CARMIL1: variants seen among roughly 807,000 people sequenced by gnomAD.
CARMIL1 encodes F-actin-uncapping protein LRRC16A.
CARMIL1 carries 90 observed loss-of-function variants against 177.1 expected under a neutral mutation model. That is an observed-to-expected ratio of 0.51 (90% CI 0.43 to 0.61). The LOEUF is 0.61. Ranked by LOEUF, CARMIL1 falls within the 20% of genes least tolerant of loss-of-function variation. The probability of loss-of-function intolerance (pLI) is 0.00; values close to 1 mark genes in which losing one functional copy is unlikely to be tolerated. For synonymous variants in CARMIL1, 577 were observed against 606.2 expected (o/e 0.95, Z 0.71); for missense variants, 1,380 against 1,667.0 (o/e 0.83, Z 3.00).
At chr6:25,576,994 G>A (rs917208917) in intron 29 of CARMIL1, 84 of 985,060 alleles carry the variant, frequency 8.5e-5, no homozygotes, top group Admixed American at 4.9e-4. Flanking sequence ...CTGTACAAGT[G>A]TAAGTATTTT....
chr6:25,382,255 G>A (rs571620700), intron 2 of CARMIL1, among the ~76,000 whole-genome samples: 4 of 151,950 alleles, frequency 2.6e-5, no homozygotes, highest in African/African-American at 4.8e-5. Flanking sequence ...ACGTCACCAC[G>A]TCTGGCTAAT....
chr6:25,314,549 T>TATATATGTATGTATACATTCACAC (rs1554161394), intron 2 of CARMIL1, among the ~76,000 whole-genome samples: 16 of 149,698 alleles, frequency 1.1e-4, no homozygotes, highest in African/African-American at 3.2e-4. Flanking sequence ...TACATACACA[T>TATATATGTATGTATACATTCACAC]ACATATATAT....
At chr6:25,342,546 G>A (rs1314753327) in intron 2 of CARMIL1, among the ~76,000 whole-genome samples, 1 of 152,138 alleles carries the variant, frequency 6.6e-6, no homozygotes. Context: ...AGTGAAAAGG[G>A]AACACTTAGC....
intron 2 of CARMIL1, among the ~76,000 whole-genome samples, chr6:25,366,854 G>T (rs1000731287): frequency 6.6e-6 from 1 of 152,084 alleles, no homozygotes; most frequent in Non-Finnish European, 1.5e-5. Context: ...TTCTAACTAT[G>T]ACTTTTCTTT....
chr6:25,544,080 A>C lies in CARMIL1; in HGVS notation c.2328+4002A>C, dbSNP rs1252764857. ...TCTGAAGGTAGTAAAACAGAGACTA[A>C]CAAAATGAAGACTATATAAGAAAAG... On this transcript the variant is annotated intron_variant, in intron 26 of 36. Transcript: ENST00000329474. 2.0e-5 allele frequency among the ~76,000 whole-genome samples: 3 copies of C among 152,178 alleles called. No individual in the cohort carries two copies. The East Asian group carries it at 5.8e-4, about 29-fold the overall frequency.
At chr6:25,300,145 TTTACAGTTTTATGATA>T (rs199913288) in intron 2 of CARMIL1, among the ~76,000 whole-genome samples, 4,254 of 152,316 alleles carry the variant, frequency 0.028, 73 homozygotes, top group Non-Finnish European at 0.038. Context: ...AGTCTCGAAA[TTTACAGTTTTATGATA>T]TAGCCATTGT....
intron 2 of CARMIL1, among the ~76,000 whole-genome samples, chr6:25,318,002 G>A (rs1329888225): frequency 1.3e-5 from 2 of 152,148 alleles, no homozygotes; most frequent in East Asian, 1.9e-4. Flanking sequence ...TGTAGAAACC[G>A]TAAAGCGTAT....
At chr6:25,598,059 T>G (rs1405622818) in intron 32 of CARMIL1, among the ~76,000 whole-genome samples, 1 of 152,146 alleles carries the variant, frequency 6.6e-6, no homozygotes, top group Non-Finnish European at 1.5e-5. Flanking sequence ...GTACTAAAAT[T>G]TTATGATGAT....
chr6:25,284,386 G>A (rs1365030255), intron 1 of CARMIL1, among the ~76,000 whole-genome samples: 1 of 152,198 alleles, frequency 6.6e-6, no homozygotes, highest in African/African-American at 2.4e-5. Flanking sequence ...CTTGATGGGT[G>A]ATAACCATCC....
rs541865368 is a variant in CARMIL1, at chr6:25,284,817, A to G, written c.46A>G (p.Ile16Val). Residue 16 changes from isoleucine (I) to valine (V), a missense_variant, in exon 2 of 37, where the codon ATA becomes GTA. Physicochemically the swap from Ile to Val is conservative, Grantham distance 29 (BLOSUM62 3). Transcript: ENST00000329474. ...SDVPRELIES[I>V]KDVIGRKIKI... ...TAATTCCTTTTTTTTTTCAGAAAGC[A>G]TAAAGGATGTTATTGGCAGAAAGAT... The G allele has an allele frequency of 2.0e-6, 3 of 1,517,652 alleles. No homozygotes were observed. Among genetic ancestry groups the G allele is most frequent in the Middle Eastern group, 1.7e-4 (1 of 5,894 alleles). The allele number at this position is 1,517,652 out of a possible 1,614,324, so 94.0% of individuals were successfully genotyped here.
chr6:25,494,904 G>A (rs1350854321), intron 15 of CARMIL1, among the ~76,000 whole-genome samples: 1 of 152,104 alleles, frequency 6.6e-6, no homozygotes, highest in Non-Finnish European at 1.5e-5. Context: ...ATTGTTTTAT[G>A]GACTAAATAT....
At chr6:25,603,374 C>G (rs759970381) in intron 33 of CARMIL1, among the ~76,000 whole-genome samples, 1 of 152,182 alleles carries the variant, frequency 6.6e-6, no homozygotes, top group Non-Finnish European at 1.5e-5. Flanking sequence ...TGTTCAGCAC[C>G]TTGCATTCAT....
rs138743739 is a variant in CARMIL1 at position 25,318,752 on chromosome 6, T to C, written c.138+33843T>C. ...TTTGCCAGGGAGATGCTCCTGGGAGTTGCATTAGGAAGGCGAGTCAGGAAC... is the reference window on the plus strand; with the variant it reads ...TTTGCCAGGGAGATGCTCCTGGGAGCTGCATTAGGAAGGCGAGTCAGGAAC... On this transcript the variant is annotated intron_variant, in intron 2 of 36. Transcript: ENST00000329474. Among the ~76,000 whole-genome samples, 551 of 151,948 alleles carry C rather than the reference T, an allele frequency of 3.6e-3. 3 individuals are homozygous for C. Among genetic ancestry groups the C allele is most frequent in the African/African-American group, 0.012 (501 of 41,452 alleles).
chr6:25,603,750 A>G (rs899528854), intron 33 of CARMIL1, among the ~76,000 whole-genome samples: 5 of 152,082 alleles, frequency 3.3e-5, no homozygotes, highest in Non-Finnish European at 7.4e-5. Context: ...TAATTCTTAG[A>G]TGTTATGAAG....
At chr6:25,478,846 G>A (rs1801830109) in intron 11 of CARMIL1, among the ~76,000 whole-genome samples, 1 of 151,898 alleles carries the variant, frequency 6.6e-6, no homozygotes, top group Non-Finnish European at 1.5e-5. Context: ...TTAAAAGTTG[G>A]AAGTATTGAC....
In CARMIL1 at chr6:25,606,214, A is replaced by G. The variant is rs201300946; in HGVS notation, c.3788A>G (p.Lys1263Arg). 330 of 1,613,860 alleles carry G rather than the reference A, an allele frequency of 2.0e-4. 1 individual carries two copies. In the African/African-American group the frequency reaches 3.6e-3, roughly 18 times the overall value. Residue 1263 changes from lysine (K) to arginine (R), a missense_variant, in exon 35 of 37, where the codon AAA (lysine) becomes AGA (arginine). By Grantham distance (26) the Lys-to-Arg change is conservative (BLOSUM62 2). Coordinates refer to ENST00000329474, the MANE Select transcript of CARMIL1 (RefSeq NM_017640.6). ...CCGAAGCCCCTCCTGCAGTCCCCCA[A>G]ACCCAGTCTGGCAGCACGGCCCGTC... ...TSPKPLLQSP[K>R]PSLAARPVIP...
chr6:25,519,297 T>C (rs1806314524), intron 22 of CARMIL1, among the ~76,000 whole-genome samples: 2 of 152,182 alleles, frequency 1.3e-5, no homozygotes, highest in African/African-American at 4.8e-5. Context: ...GAGGTGAAAT[T>C]GAGCTCTTCC....
chr6:25,300,752 G>A (rs1009226989), intron 2 of CARMIL1, among the ~76,000 whole-genome samples: 3 of 152,212 alleles, frequency 2.0e-5, no homozygotes, highest in Middle Eastern at 3.2e-3. Flanking sequence ...GTTTTAACAA[G>A]CCCTTCAGGT....
intron 2 of CARMIL1, among the ~76,000 whole-genome samples, chr6:25,337,148 A>G (rs1786333011): frequency 6.6e-6 from 1 of 152,260 alleles, no homozygotes; most frequent in African/African-American, 2.4e-5. Context: ...CTTAAAACAA[A>G]GTAGAGATAG....
Sources: allele counts gnomAD v4.1 joint callset (sites outside exome capture counted in the v4.1 genomes callset), GRCh38; gene constraint gnomAD v4.1.1; transcripts MANE v1.5; gene names NCBI Gene and HGNC (gene_info 2026-07-23, HGNC 2026-07-21).